The following SAMD13 variants were observed in gnomAD, a reference collection of about 807,000 sequenced individuals.
SAMD13 encodes the protein sterile alpha motif domain-containing protein 13.
A neutral mutation model predicts 12.4 loss-of-function variants in SAMD13; 9 were observed. The observed-to-expected ratio is 0.72, with a 90% CI of 0.44 to 1.26. SAMD13 has a LOEUF of 1.26. Among genes scored for constraint, SAMD13 ranks in the 50% most tolerant of loss-of-function variants. SAMD13 has a pLI of 0.00. For synonymous variants in SAMD13, 46 were observed against 45.4 expected (o/e 1.01, Z -0.05); for missense variants, 84 against 119.6 (o/e 0.70, Z 1.39).
At chr1:84,325,392 A>G (rs1355158502) in intron 2 of SAMD13, among the ~76,000 whole-genome samples, 1 of 152,202 alleles carries the variant, frequency 6.6e-6, no homozygotes, top group African/African-American at 2.4e-5. Context: ...ACTCAGAAGT[A>G]TGAATATCAT....
At chr1:84,347,995 G>A (rs1679567777) in intron 3 of SAMD13, among the ~76,000 whole-genome samples, 1 of 152,168 alleles carries the variant, frequency 6.6e-6, no homozygotes, top group South Asian at 2.1e-4. Flanking sequence ...GTAGCTGACA[G>A]AATAAAGATT....
intron 1 of SAMD13, chr1:84,302,786 A>G (rs1434734785): frequency 1.6e-6 from 1 of 612,206 alleles, no homozygotes; most frequent in Admixed American, 6.4e-5. Flanking sequence ...AAAAAACCAA[A>G]CACAATAAGA....
chr1:84,347,140 A>G (rs1316544991), intron 3 of SAMD13, among the ~76,000 whole-genome samples: 1 of 152,192 alleles, frequency 6.6e-6, no homozygotes, highest in African/African-American at 2.4e-5. Context: ...GTTTGGGGAG[A>G]CAGGATTCAG....
At chr1:84,310,294 G>A (rs1003605435) in intron 2 of SAMD13, among the ~76,000 whole-genome samples, 4 of 151,908 alleles carry the variant, frequency 2.6e-5, no homozygotes, top group African/African-American at 4.8e-5. Context: ...GCTTCTCTGG[G>A]CCACATTGGA....
chr1:84,318,406 G>A (rs926704395), intron 2 of SAMD13, among the ~76,000 whole-genome samples: 9 of 151,820 alleles, frequency 5.9e-5, no homozygotes, highest in African/African-American at 2.2e-4. Flanking sequence ...CTATGTATTT[G>A]TGAATTTTTC....
chr1:84,299,536 G>C, upstream of SAMD13: 1 of 1,345,272 alleles, frequency 7.4e-7, no homozygotes, highest in Non-Finnish European at 9.9e-7. Flanking sequence ...CACACACAAA[G>C]TACACCACAT....
chr1:84,307,243 G>C (rs1240498724), intron 2 of SAMD13, among the ~76,000 whole-genome samples: 2 of 152,106 alleles, frequency 1.3e-5, no homozygotes, highest in Non-Finnish European at 1.5e-5. Flanking sequence ...CATTTTCTCT[G>C]TGTTTCGTTT....
chr1:84,307,837 T>G (rs1190304176), intron 2 of SAMD13, among the ~76,000 whole-genome samples: 1 of 152,164 alleles, frequency 6.6e-6, no homozygotes, highest in Non-Finnish European at 1.5e-5. Context: ...AATTGAGATT[T>G]TCATCTCTGG....
chr1:84,320,878 CATG>C (rs1249827918), intron 2 of SAMD13, among the ~76,000 whole-genome samples: 1 of 152,132 alleles, frequency 6.6e-6, no homozygotes, highest in Non-Finnish European at 1.5e-5. Context: ...TGTGATATTA[CATG>C]TGGATTGCAT....
chr1:84,337,528 G>A (rs2101815236), intron 3 of SAMD13, among the ~76,000 whole-genome samples: 1 of 152,164 alleles, frequency 6.6e-6, no homozygotes, highest in East Asian at 1.9e-4. Flanking sequence ...GGGACACAGG[G>A]CACCAGTCCC....
chr1:84,309,487 T>G (rs1290807486), intron 2 of SAMD13, among the ~76,000 whole-genome samples: 1 of 152,190 alleles, frequency 6.6e-6, no homozygotes, highest in Non-Finnish European at 1.5e-5. Flanking sequence ...CAAATTCATT[T>G]ATTCCTTCTA....
chr1:84,330,671 G>T (rs1679159624), intron 3 of SAMD13, among the ~76,000 whole-genome samples: 1 of 152,126 alleles, frequency 6.6e-6, no homozygotes, highest in Non-Finnish European at 1.5e-5. Flanking sequence ...GACCCTAATT[G>T]CAAGTCACAA....
chr1:84,308,560 C>T (rs960482910), intron 2 of SAMD13, among the ~76,000 whole-genome samples: 2 of 152,170 alleles, frequency 1.3e-5, no homozygotes, highest in African/African-American at 4.8e-5. Context: ...TTCTGGGCAT[C>T]AGAAAGAAGT....
At chr1:84,308,371 A>C (rs1006111553) in intron 2 of SAMD13, among the ~76,000 whole-genome samples, 1 of 152,116 alleles carries the variant, frequency 6.6e-6, no homozygotes, top group African/African-American at 2.4e-5. Context: ...GCCCCTATAC[A>C]TTGTAGGATG....
chr1:84,328,069 C>A (rs6675493), intron 3 of SAMD13, among the ~76,000 whole-genome samples: 11,032 of 152,176 alleles, frequency 0.072, 1,248 homozygotes, highest in African/African-American at 0.24. Context: ...GCCAGATTCC[C>A]AGCTGACCAA....
At chr1:84,325,593 G>T (rs373383377) in intron 2 of SAMD13, 44 bp from the exon 3 acceptor site, 2 of 1,207,908 alleles carry the variant, frequency 1.7e-6, no homozygotes, top group Non-Finnish European at 2.5e-6. Context: ...CCACACCCTT[G>T]TGCAGGCACT....
upstream of SAMD13, among the ~76,000 whole-genome samples, chr1:84,300,212 A>G (rs139956423): frequency 3.0e-4 from 45 of 152,326 alleles, no homozygotes; most frequent in African/African-American, 1.1e-3. Context: ...TGAGATCAGC[A>G]CTGGTGAAAG....
chr1:84,335,372 T>C (rs1679271253), intron 3 of SAMD13, among the ~76,000 whole-genome samples: 1 of 152,162 alleles, frequency 6.6e-6, no homozygotes, highest in South Asian at 2.1e-4. Context: ...AAACCCTGCT[T>C]TTTTTCTGTT....
chr1:84,325,500 G>C (rs1374221233), intron 2 of SAMD13, 137 bp from the exon 3 acceptor site: 2 of 621,378 alleles, frequency 3.2e-6, no homozygotes, highest in Non-Finnish European at 5.8e-6. Flanking sequence ...TTTATTAGCA[G>C]TGACTAAGCC....
Sources: allele counts gnomAD v4.1 joint callset (sites outside exome capture counted in the v4.1 genomes callset), GRCh38; gene constraint gnomAD v4.1.1; transcripts MANE v1.5; gene names NCBI Gene and HGNC (gene_info 2026-07-23, HGNC 2026-07-21).